Variants in ZNF549 observed in about 807,000 individuals in gnomAD.
The protein encoded by ZNF549 is zinc finger protein 549.
In ZNF549, 11 loss-of-function variants were observed where a neutral mutation model predicts 11.1. The ratio of observed to expected loss-of-function variants is 0.99; its 90% CI spans 0.62 to 1.64. The LOEUF (loss-of-function observed/expected upper bound fraction) is 1.64, where lower values mean the gene tolerates loss of function less well. Among genes scored for constraint, ZNF549 ranks in the 40% most tolerant of loss-of-function variants. ZNF549 has a pLI of 0.00. For synonymous variants in ZNF549, 266 were observed against 269.1 expected (o/e 0.99, Z 0.11); for missense variants, 748 against 765.1 (o/e 0.98, Z 0.26).
intron 1 of ZNF549, among the ~76,000 whole-genome samples, chr19:57,529,428 T>C (rs573366970): frequency 6.6e-6 from 1 of 152,272 alleles, no homozygotes; most frequent in South Asian, 2.1e-4. Flanking sequence ...ACTTTATAAG[T>C]TAATAAAAGT....
chr19:57,539,050 T>A lies in ZNF549; in HGVS notation c.*123T>A. ...GCATATCACTAGTTGAAAGATTCAC[T>A]ACAAGGTCCAAGTACTTGGGAAGCT... On this transcript the variant is annotated 3_prime_UTR_variant, in exon 4 of 4. Transcript: ENST00000376233. 8.6e-7 allele frequency: 1 copy of A among 1,162,454 alleles called. No homozygotes were observed. Among genetic ancestry groups the A allele is most frequent in the Non-Finnish European group, 1.2e-6 (1 of 834,556 alleles). 72.0% of individuals were successfully genotyped at this position (1,162,454 alleles called of 1,614,324 possible).
In ZNF549 at chr19:57,540,113, A is replaced by C. The variant is rs913170078; in HGVS notation, c.*1186A>C. ...GCAGGAAAGCAGGATTTGAGAGAAC[A>C]TACACCTTGCCTTCCAGATATGTGG... On this transcript the variant is annotated 3_prime_UTR_variant, in exon 4 of 4. Coordinates refer to ENST00000376233, the MANE Select transcript of ZNF549 (RefSeq NM_001199295.2). 1 of 152,362 alleles carries C rather than the reference A, an allele frequency of 6.6e-6. No homozygotes were observed. The highest frequency in any genetic ancestry group is 6.5e-5 in the Admixed American group (1 of 15,308). 9.4% of individuals were successfully genotyped at this position (152,362 alleles called of 1,614,324 possible).
In ZNF549 at chr19:57,532,566, C is replaced by T. The variant is rs557890663; in HGVS notation, c.72+1458C>T. Among the ~76,000 whole-genome samples, 5 of 152,056 alleles carry T rather than the reference C, an allele frequency of 3.3e-5. No homozygotes were observed. In the South Asian group the frequency reaches 6.2e-4, roughly 19 times the overall value. ...CTTAGCATGCTGGGGACCTGGTCAC[C>T]GGGGTGGGTTGCTCATAATGTATTG... On this transcript the variant is annotated intron_variant, in intron 2 of 3. Coordinates refer to ENST00000376233, the MANE Select transcript of ZNF549 (RefSeq NM_001199295.2).
rs2089942944 is a variant in ZNF549, at chr19:57,539,047, C to G, written c.*120C>G. On this transcript the variant is annotated 3_prime_UTR_variant, in exon 4 of 4. Coordinates refer to ENST00000376233, the MANE Select transcript of ZNF549 (RefSeq NM_001199295.2). ...TCTGCATATCACTAGTTGAAAGATT[C>G]ACTACAAGGTCCAAGTACTTGGGAA... The G allele has an allele frequency of 2.6e-6, 3 of 1,175,262 alleles. No individual in the cohort carries two copies. Among genetic ancestry groups the G allele is most frequent in the Non-Finnish European group, 3.5e-6 (3 of 845,114 alleles). 72.8% of individuals were successfully genotyped at this position (1,175,262 alleles called of 1,614,324 possible).
In ZNF549 at chr19:57,537,752, A is replaced by G. The variant is rs752668940; in HGVS notation, c.748A>G (p.Arg250Gly). The G allele has an allele frequency of 6.2e-7, 1 of 1,614,212 alleles. No homozygotes were observed. The highest frequency in any genetic ancestry group is 1.1e-5 in the South Asian group (1 of 91,086). Residue 250 changes from arginine (R) to glycine (G), a missense_variant, in exon 4 of 4, where the codon AGG (arginine) becomes GGG (glycine). Physicochemically the swap from Arg to Gly is moderately radical, Grantham distance 125. Coordinates refer to ENST00000376233, the MANE Select transcript of ZNF549 (RefSeq NM_001199295.2). ...VHTGEKAYKR[R>G]EYGKSLNSKY... ...CACTGGAGAAAAAGCTTATAAGCGTAGGGAATATGGGAAATCCTTGAACTC... is the reference window on the plus strand; with the variant it reads ...CACTGGAGAAAAAGCTTATAAGCGTGGGGAATATGGGAAATCCTTGAACTC...
In ZNF549 at chr19:57,537,771, T is replaced by C. The variant is rs1467987443; in HGVS notation, c.767T>C (p.Leu256Ser). The stretch of plus-strand genomic sequence containing the variant: ...AAGCGTAGGGAATATGGGAAATCCT[T>C]GAACTCTAAATACTTATTTGTTGAA... ...AYKRREYGKS[L>S]NSKYLFVEHQ... Residue 256 changes from leucine to serine, a missense_variant, in exon 4 of 4, where the codon TTG (leucine) becomes TCG (serine). By Grantham distance (145) the Leu-to-Ser change is moderately radical. Transcript: ENST00000376233. The C allele has an allele frequency of 6.2e-7, 1 of 1,614,076 alleles. No individual in the cohort carries two copies. The highest frequency in any genetic ancestry group is 8.5e-7 in the Non-Finnish European group (1 of 1,180,046).
At chr19:57,531,882 A>C (rs2089905668) in intron 2 of ZNF549, among the ~76,000 whole-genome samples, 1 of 152,202 alleles carries the variant, frequency 6.6e-6, no homozygotes, top group South Asian at 2.1e-4. Context: ...TCCATGTAAT[A>C]TTTTCAGACC....
chr19:57,527,560 C>G lies in ZNF549; in HGVS notation c.-14C>G. 1 of 1,613,522 alleles carries G rather than the reference C, an allele frequency of 6.2e-7. No homozygotes were observed. On this transcript the variant is annotated 5_prime_UTR_variant, in exon 1 of 4. Coordinates refer to ENST00000376233, the MANE Select transcript of ZNF549 (RefSeq NM_001199295.2). ...ACCGCCCGCCTTTCCAGGCCCCGCCCCGCCTAAAGTCCCATGGCCGAGGCA... is the reference window on the plus strand; with the variant it reads ...ACCGCCCGCCTTTCCAGGCCCCGCCGCGCCTAAAGTCCCATGGCCGAGGCA...
At chr19:57,534,744 G>A (rs1467433562) in intron 2 of ZNF549, among the ~76,000 whole-genome samples, 2 of 152,310 alleles carry the variant, frequency 1.3e-5, no homozygotes, top group Non-Finnish European at 2.9e-5. Context: ...TTTAGCAAGC[G>A]CTGCCTGGAT....
At chr19:57,528,474 A>G (rs1568588156) in intron 1 of ZNF549, among the ~76,000 whole-genome samples, 2 of 152,210 alleles carry the variant, frequency 1.3e-5, no homozygotes, top group Non-Finnish European at 2.9e-5. Flanking sequence ...TTAAATTTAG[A>G]CGGGAAATCT....
chr19:57,533,985 T>G (rs1179794809), intron 2 of ZNF549, among the ~76,000 whole-genome samples: 3 of 152,134 alleles, frequency 2.0e-5, no homozygotes, highest in East Asian at 1.9e-4. Context: ...GGTGGTGGTG[T>G]TAGGTGCACA....
At chr19:57,528,524 C>T (rs538897926) in intron 1 of ZNF549, among the ~76,000 whole-genome samples, 2 of 152,230 alleles carry the variant, frequency 1.3e-5, no homozygotes, top group Admixed American at 6.5e-5. Flanking sequence ...AGGGCTGAGG[C>T]TGGAGGCTGG....
At chr19:57,528,160 TTAAAGG>T (rs773342317) in intron 1 of ZNF549, among the ~76,000 whole-genome samples, 19 of 152,278 alleles carry the variant, frequency 1.2e-4, no homozygotes, top group Non-Finnish European at 2.5e-4. Context: ...TTGGTAGATC[TTAAAGG>T]TAAAGCCAGC....
Position 57,537,339 on chromosome 19 carries a change from T to G in ZNF549, c.335T>G (p.Val112Gly), listed in dbSNP as rs752858504. The G allele has an allele frequency of 6.2e-7, 1 of 1,614,198 alleles. No individual in the cohort carries two copies. Among genetic ancestry groups the G allele is most frequent in the South Asian group, 1.1e-5 (1 of 91,080 alleles). Residue 112 changes from valine to glycine, a missense_variant, in exon 4 of 4, where the codon GTC becomes GGC. Transcript: ENST00000376233. Reference protein sequence around the residue: ...NAHSCEMCILVMKDILYLSEH... With the variant: ...NAHSCEMCILGMKDILYLSEH... ...CATTCTTGTGAGATGTGTATCCTGG[T>G]CATGAAAGACATTTTGTACCTCAGT...
intron 2 of ZNF549, among the ~76,000 whole-genome samples, chr19:57,532,148 A>G (rs924683934): frequency 2.6e-5 from 4 of 152,042 alleles, no homozygotes; most frequent in Non-Finnish European, 1.5e-5. Context: ...TCTTTCCATT[A>G]CTGCTTTCTA....
At chr19:57,532,879 C>T (rs974887718) in intron 2 of ZNF549, among the ~76,000 whole-genome samples, 4 of 152,260 alleles carry the variant, frequency 2.6e-5, no homozygotes, top group African/African-American at 9.6e-5. Flanking sequence ...GAAGATCTGT[C>T]AGTTTTTGCC....
chr19:57,535,188 G>C lies in ZNF549; in HGVS notation c.117G>C (p.Glu39Asp). 2 of 1,614,118 alleles carry C rather than the reference G, an allele frequency of 1.2e-6. No homozygotes were observed. The highest frequency in any genetic ancestry group is 1.7e-6 in the Non-Finnish European group (2 of 1,179,980). ...FEDIAVYFSQ[E>D]EWGLLDEAQR... Reference sequence around the variant, plus strand: ...ATATTGCTGTGTACTTCTCCCAGGAGGAGTGGGGCCTCCTTGATGAAGCTC... The same window carrying C: ...ATATTGCTGTGTACTTCTCCCAGGACGAGTGGGGCCTCCTTGATGAAGCTC... Residue 39 changes from glutamate to aspartate, a missense_variant, in exon 3 of 4, where the codon GAG becomes GAC. Physicochemically the swap from Glu to Asp is conservative, Grantham distance 45. Transcript: ENST00000376233.
intron 3 of ZNF549, among the ~76,000 whole-genome samples, chr19:57,536,399 G>A (rs1303834440): frequency 6.6e-6 from 1 of 152,126 alleles, no homozygotes; most frequent in Non-Finnish European, 1.5e-5. Flanking sequence ...TATACACACT[G>A]CGTATCACTA....
Position 57,538,000 on chromosome 19 carries a change from T to G in ZNF549, c.996T>G (p.Tyr332Ter). Reference protein sequence around the residue: ...HQRTHNGEKPYVCNVCGKSFR... With the variant: ...HQRTHNGEKP ...GAACCCATAATGGAGAAAAGCCTTA[T>G]GTGTGCAATGTATGTGGGAAATCAT... Residue 332 changes from tyrosine (Y) to a stop codon, truncating the protein, a stop_gained, in exon 4 of 4, where the codon TAT becomes TAG. Coordinates refer to ENST00000376233, the MANE Select transcript of ZNF549 (RefSeq NM_001199295.2). LOFTEE classifies it low-confidence loss of function (END_TRUNC). The G allele has an allele frequency of 6.2e-7, 1 of 1,614,174 alleles. No individual in the cohort carries two copies.
Sources: gnomAD v4.1 joint callset for allele counts (sites outside exome capture counted in the v4.1 genomes callset) on GRCh38, gnomAD v4.1.1 for gene constraint, MANE v1.5 for transcripts, NCBI Gene and HGNC (gene_info 2026-07-23, HGNC 2026-07-21) for gene names.